SOX6: variants seen among roughly 807,000 people sequenced by gnomAD.
The protein encoded by SOX6 is SRY-box transcription factor 6.
SOX6 carries 11 observed loss-of-function variants against 97.8 expected under a neutral mutation model. The observed-to-expected ratio is 0.11, with a 90% CI of 0.07 to 0.19. The LOEUF (loss-of-function observed/expected upper bound fraction) is 0.19, where lower values mean the gene tolerates loss of function less well. Ranked by LOEUF, SOX6 falls within the 10% of genes least tolerant of loss-of-function variation. The pLI, the probability that SOX6 is intolerant of heterozygous loss-of-function variation, is 1.00. For synonymous variants in SOX6, 360 were observed against 371.4 expected (o/e 0.97, Z 0.35); for missense variants, 810 against 1,039.5 (o/e 0.78, Z 3.04).
At chr11:16,203,562 G>C (rs1483566855) in intron 4 of SOX6, among the ~76,000 whole-genome samples, 1 of 152,026 alleles carries the variant, frequency 6.6e-6, no homozygotes, top group African/African-American at 2.4e-5. Context: ...AAACATAAAC[G>C]CTTAAATCCA....
intron 1 of SOX6, among the ~76,000 whole-genome samples, chr11:16,427,931 T>C (rs1261202738): frequency 1.3e-5 from 2 of 151,976 alleles, no homozygotes; most frequent in Non-Finnish European, 2.9e-5. Flanking sequence ...GTTGAACTAG[T>C]TTACAGTCCC....
intron 3 of SOX6, among the ~76,000 whole-genome samples, chr11:16,666,457 G>A (rs1847807437): frequency 6.6e-6 from 1 of 152,148 alleles, no homozygotes; most frequent in African/African-American, 2.4e-5. Flanking sequence ...TCTCTTAACA[G>A]CAAAATTGAT....
chr11:16,428,205 C>A (rs1375824576), intron 1 of SOX6, among the ~76,000 whole-genome samples: 1 of 151,974 alleles, frequency 6.6e-6, no homozygotes, highest in African/African-American at 2.4e-5. Flanking sequence ...TGTTTGAGTT[C>A]ATTGTAGATT....
intron 1 of SOX6, among the ~76,000 whole-genome samples, chr11:16,355,115 C>T (rs181977858): frequency 6.6e-6 from 1 of 151,964 alleles, no homozygotes; most frequent in South Asian, 2.1e-4. Flanking sequence ...ATTAACTGTA[C>T]CACAGCTTAG....
chr11:16,402,936 C>A, intron 1 of SOX6: 2 of 1,120,806 alleles, frequency 1.8e-6, no homozygotes, highest in Non-Finnish European at 2.6e-6. Flanking sequence ...AAAACAAAAC[C>A]AATTTTTACA....
At chr11:16,617,144 T>C (rs982987907) in intron 3 of SOX6, among the ~76,000 whole-genome samples, 2 of 151,912 alleles carry the variant, frequency 1.3e-5, no homozygotes, top group Admixed American at 1.3e-4. Flanking sequence ...AAATAGCTCA[T>C]TGGGTTTTGT....
chr11:16,427,332 T>TC (rs1229422974), intron 1 of SOX6, among the ~76,000 whole-genome samples: 2 of 150,134 alleles, frequency 1.3e-5, no homozygotes, highest in East Asian at 2.0e-4. Flanking sequence ...CACTTTTCTT[T>TC]TTTTTTTTTA....
At chr11:16,376,749 A>G (rs925064001) in intron 1 of SOX6, among the ~76,000 whole-genome samples, 3 of 152,082 alleles carry the variant, frequency 2.0e-5, no homozygotes, top group Admixed American at 2.0e-4. Flanking sequence ...ATCAACTTAA[A>G]TTTCCCCCAG....
At chr11:16,004,472 A>G (rs1259414917) in intron 13 of SOX6, among the ~76,000 whole-genome samples, 1 of 152,016 alleles carries the variant, frequency 6.6e-6, no homozygotes, top group Non-Finnish European at 1.5e-5. Flanking sequence ...TGGAAAATAC[A>G]TATTATGGGA....
intron 4 of SOX6, among the ~76,000 whole-genome samples, chr11:16,583,886 A>C (rs371000286): frequency 2.0e-5 from 3 of 151,144 alleles, no homozygotes; most frequent in South Asian, 4.2e-4. Flanking sequence ...CCAATAGTAT[A>C]TAAGAGTTCC....
At position 16,554,713 on chromosome 11, in the gene SOX6, C is replaced by T. The variant is rs571069410; in HGVS notation, n.609+57368G>A. 1.4e-3 allele frequency among the ~76,000 whole-genome samples: 215 copies of T among 152,118 alleles called. 2 individuals carry two copies. In the Middle Eastern group the frequency reaches 0.017, roughly 12 times the overall value. ...ATATTAAGTTCCTTTTGTCCTTCTGCTATTTCTTATAAACTATTAGAATTA... is the reference window on the plus strand; with the variant it reads ...ATATTAAGTTCCTTTTGTCCTTCTGTTATTTCTTATAAACTATTAGAATTA... On this transcript the variant is annotated intron_variant and non_coding_transcript_variant, in intron 4 of 5. Coordinates refer to the SOX6 transcript ENST00000524520.
rs531161285 is a variant in SOX6 at position 16,168,006 on chromosome 11, CA to C, written c.777+15879del. On this transcript the variant is annotated intron_variant, in intron 6 of 15. Coordinates refer to ENST00000683767, the MANE Select transcript of SOX6 (RefSeq NM_001367873.1). The stretch of plus-strand genomic sequence containing the variant: ...TAACAACTGCTTAATGAAAGTTTGT[CA>C]AATCAAAATCATAGTCAATAGGACA... Among the ~76,000 whole-genome samples, 515 of 152,160 alleles carry C rather than the reference CA, an allele frequency of 3.4e-3. 4 individuals carry two copies. The highest frequency in any genetic ancestry group is 5.4e-3 in the Non-Finnish European group (367 of 67,990).
chr11:16,718,480 C>T (rs1448827881), intron 2 of SOX6, among the ~76,000 whole-genome samples: 1 of 152,184 alleles, frequency 6.6e-6, no homozygotes, highest in African/African-American at 2.4e-5. Context: ...TGTTGACCCC[C>T]TCTTCAGGAA....
At chr11:16,214,434 G>A (rs907790723) in intron 4 of SOX6, among the ~76,000 whole-genome samples, 1 of 152,080 alleles carries the variant, frequency 6.6e-6, no homozygotes, top group African/African-American at 2.4e-5. Flanking sequence ...ATTTTTAACA[G>A]AGCTTACTTT....
chr11:16,485,785 C>T (rs1249877978), intron 4 of SOX6, among the ~76,000 whole-genome samples: 3 of 149,154 alleles, frequency 2.0e-5, no homozygotes, highest in South Asian at 2.1e-4. Context: ...TCCCAGCTAC[C>T]GAGGAGGCTG....
chr11:16,514,637 C>G (rs1860936304), intron 4 of SOX6, among the ~76,000 whole-genome samples: 1 of 151,632 alleles, frequency 6.6e-6, no homozygotes, highest in Non-Finnish European at 1.5e-5. Context: ...CACTGGTGCG[C>G]TGCACCCACT....
intron 3 of SOX6, among the ~76,000 whole-genome samples, chr11:16,633,777 C>G (rs1848745816): frequency 6.6e-6 from 1 of 152,228 alleles, no homozygotes; most frequent in South Asian, 2.1e-4. Flanking sequence ...GCCTAAGTCT[C>G]TGGCATATAT....
intron 13 of SOX6, among the ~76,000 whole-genome samples, chr11:16,005,295 A>G (rs1854515069): frequency 6.6e-6 from 1 of 152,046 alleles, no homozygotes. Context: ...AGACGAAAAT[A>G]TAATGACTAG....
intron 2 of SOX6, among the ~76,000 whole-genome samples, chr11:16,735,732 A>T (rs982529981): frequency 6.6e-6 from 1 of 152,190 alleles, no homozygotes; most frequent in Non-Finnish European, 1.5e-5. Context: ...CTTTGAGGTC[A>T]ATTGTAAAAA....
Sources: gnomAD v4.1 joint callset for allele counts (sites outside exome capture counted in the v4.1 genomes callset) on GRCh38, gnomAD v4.1.1 for gene constraint, MANE v1.5 for transcripts, NCBI Gene and HGNC (gene_info 2026-07-23, HGNC 2026-07-21) for gene names.